The following AFF4 variants were observed in gnomAD, a reference collection of about 807,000 sequenced individuals.
The protein encoded by AFF4 is AF4/FMR2 family member 4.
Under a neutral mutation model 124.8 loss-of-function variants are expected in AFF4, and 13 were observed. The observed-to-expected ratio is 0.10, with a 90% CI of 0.07 to 0.17. The LOEUF (loss-of-function observed/expected upper bound fraction) is 0.17. Among genes scored for constraint, AFF4 ranks in the 10% least tolerant of loss-of-function variants. The pLI, the probability that AFF4 is intolerant of heterozygous loss-of-function variation, is 1.00. For synonymous variants in AFF4, 477 were observed against 496.1 expected (o/e 0.96, Z 0.51); for missense variants, 1,092 against 1,403.8 (o/e 0.78, Z 3.55).
intron 5 of AFF4, among the ~76,000 whole-genome samples, chr5:132,904,776 A>G (rs1760632095): frequency 6.6e-6 from 1 of 152,196 alleles, no homozygotes; most frequent in South Asian, 2.1e-4. Flanking sequence ...ATAGCTGTAT[A>G]ACCTTTATCC....
At chr5:132,891,777 C>T (rs1028561872) in intron 13 of AFF4, 2 of 265,256 alleles carry the variant, frequency 7.5e-6, no homozygotes, top group Non-Finnish European at 1.4e-5. Flanking sequence ...CCATAACCAA[C>T]TTTTCCAATG....
intron 5 of AFF4, among the ~76,000 whole-genome samples, 156 bp from the exon 6 acceptor site, chr5:132,904,560 T>C (rs1386513674): frequency 3.3e-5 from 5 of 152,230 alleles, no homozygotes; most frequent in African/African-American, 9.6e-5. Context: ...TTGGGATCAA[T>C]AATGGACTTT....
chr5:132,902,318 G>A, intron 7 of AFF4, 124 bp downstream of exon 7: 1 of 746,368 alleles, frequency 1.3e-6, no homozygotes, highest in Non-Finnish European at 2.3e-6. Context: ...AAAGTGCTAG[G>A]ATTACAGGTG....
intron 3 of AFF4, among the ~76,000 whole-genome samples, chr5:132,933,180 G>A (rs1034623606): frequency 3.3e-5 from 5 of 151,912 alleles, no homozygotes; most frequent in African/African-American, 7.3e-5. Flanking sequence ...GGCGGATCAC[G>A]TGAGGTCAGG....
In AFF4 at chr5:132,877,059, A is replaced by G; in HGVS notation, c.*4000T>C. 1 of 201,630 alleles carries G rather than the reference A, an allele frequency of 5.0e-6. No individual in the cohort carries two copies. Among genetic ancestry groups the G allele is most frequent in the Non-Finnish European group, 1.0e-5 (1 of 97,598 alleles). 12.5% of individuals were successfully genotyped at this position (201,630 alleles called of 1,614,324 possible). A position where few individuals can be genotyped will look rare whatever the true frequency, so the allele number is the denominator to read the frequency against. On this transcript the variant is annotated 3_prime_UTR_variant, in exon 21 of 21. Coordinates refer to ENST00000265343, the MANE Select transcript of AFF4 (RefSeq NM_014423.4). ...AAAGCTGAAATGAAATTTATGTTCC[A>G]TGTATTAGGGGATATACAGGTATGA... is the stretch of plus-strand genomic sequence containing the variant.
chr5:132,904,487 C>T lies in AFF4; in HGVS notation c.1051-83G>A, dbSNP rs570983137. ...AAAATGCTTAAATTACATAAAAACA[C>T]TTCAAGTACTTGAAAAAGCACAGAA... is the stretch of plus-strand genomic sequence containing the variant. On this transcript the variant is annotated intron_variant, in intron 5 of 20. Transcript: ENST00000265343. The T allele has an allele frequency of 5.8e-5, 67 of 1,156,602 alleles. 1 individual carries two copies. The South Asian group carries it at 6.8e-4, about 12-fold the overall frequency. 71.6% of individuals were successfully genotyped at this position (1,156,602 alleles called of 1,614,324 possible).
At chr5:132,885,214 C>A in intron 18 of AFF4, 95 bp from the exon 19 acceptor site, 1 of 869,168 alleles carries the variant, frequency 1.2e-6, no homozygotes, top group Non-Finnish European at 1.8e-6. Flanking sequence ...AAGAGCTCAT[C>A]GTGAGCAGCT....
At chr5:132,939,201 A>AACG (rs1761508261) in intron 1 of AFF4, among the ~76,000 whole-genome samples, 1 of 141,506 alleles carries the variant, frequency 7.1e-6, no homozygotes, top group Admixed American at 7.3e-5. Flanking sequence ...TGGGAGACAG[A>AACG]ACGAGACCCT....
intron 1 of AFF4, among the ~76,000 whole-genome samples, chr5:132,944,316 G>A (rs1449103018): frequency 2.3e-5 from 3 of 129,432 alleles, no homozygotes; most frequent in African/African-American, 7.6e-5. Context: ...CAGCCTGGGC[G>A]ACAGCGCGAG....
chr5:132,920,180 G>A lies in AFF4; in HGVS notation c.1050+6941C>T, dbSNP rs545288683. On this transcript the variant is annotated intron_variant, in intron 5 of 20. Coordinates refer to ENST00000265343, the MANE Select transcript of AFF4 (RefSeq NM_014423.4). ...TTCCCCTGCCTCAGTCTCCCGAGTA[G>A]CTGGGATTACAGATGCCCGCCACCA... Among the ~76,000 whole-genome samples the A allele has an allele frequency of 2.2e-3, 338 of 151,906 alleles. 1 individual carries two copies. The highest frequency in any genetic ancestry group is 5.5e-3 in the Admixed American group (84 of 15,226).
intron 7 of AFF4, among the ~76,000 whole-genome samples, chr5:132,902,078 C>T (rs560483853): frequency 7.9e-5 from 12 of 152,282 alleles, no homozygotes; most frequent in African/African-American, 2.6e-4. Context: ...GATCAAGTCT[C>T]GCTCTGTGGC....
rs1287655963 is a variant in AFF4 at position 132,934,423 on chromosome 5, C to A, written c.642G>T (p.Arg214=). 1 of 1,614,032 alleles carries A rather than the reference C, an allele frequency of 6.2e-7. No individual in the cohort carries two copies. The highest frequency in any genetic ancestry group is 8.5e-7 in the Non-Finnish European group (1 of 1,180,024). Residue 214 remains arginine, a synonymous_variant, in exon 3 of 21, where the codon CGG becomes CGT. Coordinates refer to ENST00000265343, the MANE Select transcript of AFF4 (RefSeq NM_014423.4). ...SKEHQRSKSP[R]DPDANWDSPS... ...GAGAATCCCAGTTTGCATCAGGGTC[C>A]CGAGGTGATTTGGAGCGTTGATGTT... is the stretch of plus-strand genomic sequence containing the variant.
intron 20 of AFF4, among the ~76,000 whole-genome samples, chr5:132,883,067 A>C (rs1449627213): frequency 6.6e-6 from 1 of 152,086 alleles, no homozygotes; most frequent in African/African-American, 2.4e-5. Flanking sequence ...TTATGGTATG[A>C]GCTGCATTTA....
intron 5 of AFF4, among the ~76,000 whole-genome samples, chr5:132,917,653 C>T (rs1345949684): frequency 2.0e-5 from 3 of 147,450 alleles, no homozygotes; most frequent in South Asian, 2.2e-4. Context: ...AGCAAAATTA[C>T]AAGATGAAAC....
chr5:132,926,588 G>A (rs550385747), intron 5 of AFF4: 205 of 149,366 alleles, frequency 1.4e-3, no homozygotes, highest in African/African-American at 4.9e-3. Flanking sequence ...CCAGGCTGGC[G>A]TGCTGTGGTG....
Position 132,899,092 on chromosome 5 carries a change from A to G in AFF4, c.1226+12T>C, listed in dbSNP as rs1760483763. ...CTCTTACCAATAAAACAGAAAAGAA[A>G]AGGATGCCCACCTTCCTGGTGTACT... On this transcript the variant is annotated intron_variant, in intron 9 of 20. Transcript: ENST00000265343. The G allele has an allele frequency of 8.7e-6, 14 of 1,612,238 alleles. No individual in the cohort carries two copies. The highest frequency in any genetic ancestry group is 1.3e-5 in the African/African-American group (1 of 74,872).
chr5:132,951,596 C>T (rs964372711), intron 1 of AFF4, among the ~76,000 whole-genome samples: 12 of 152,144 alleles, frequency 7.9e-5, no homozygotes, highest in African/African-American at 2.2e-4. Flanking sequence ...GGCACGATCT[C>T]GGCTCACTGC....
chr5:132,944,427 C>A (rs1356919978), intron 1 of AFF4, among the ~76,000 whole-genome samples: 1 of 152,124 alleles, frequency 6.6e-6, no homozygotes, highest in Non-Finnish European at 1.5e-5. Context: ...AGGAGAATCA[C>A]TCAAGCTCAG....
intron 17 of AFF4, among the ~76,000 whole-genome samples, chr5:132,886,701 T>G (rs183694085): frequency 1.3e-5 from 2 of 152,304 alleles, no homozygotes; most frequent in African/African-American, 4.8e-5. Flanking sequence ...GGGGTAGAAT[T>G]TCCAAACCAA....
Sources: gnomAD v4.1 joint callset for allele counts (sites outside exome capture counted in the v4.1 genomes callset) on GRCh38, gnomAD v4.1.1 for gene constraint, MANE v1.5 for transcripts, NCBI Gene and HGNC (gene_info 2026-07-23, HGNC 2026-07-21) for gene names.